The following COL6A5 variants were observed in gnomAD, a reference collection of about 807,000 sequenced individuals.
COL6A5 encodes the protein collagen type VI alpha 5 chain, also known as collagen alpha-5(VI) chain.
COL6A5 carries 48 observed loss-of-function variants against 65.6 expected under a neutral mutation model. The ratio of observed to expected loss-of-function variants is 0.73; its 90% CI spans 0.58 to 0.93. The LOEUF (loss-of-function observed/expected upper bound fraction) is 0.93, where lower values mean the gene tolerates loss of function less well. Ranked by LOEUF, COL6A5 falls within the 40% of genes least tolerant of loss-of-function variation. The pLI, the probability that COL6A5 is intolerant of heterozygous loss-of-function variation, is 0.00. For synonymous variants in COL6A5, 291 were observed against 322.8 expected, an observed-to-expected ratio of 0.90 and a Z score of 1.05; for missense variants, 914 against 928.3, an observed-to-expected ratio of 0.98 and a Z score of 0.20.
chr3:130,470,492 C>T (rs1460172401), intron 6 of COL6A5, among the ~76,000 whole-genome samples: 2 of 151,214 alleles, frequency 1.3e-5, no homozygotes, highest in Non-Finnish European at 3.0e-5. Context: ...ATTTCAATAG[C>T]TAATAGAGTC....
At chr3:130,378,467 T>C (rs182052629) in intron 3 of COL6A5, among the ~76,000 whole-genome samples, 1 of 152,268 alleles carries the variant, frequency 6.6e-6, no homozygotes, top group African/African-American at 2.4e-5. Flanking sequence ...CAAGAATCAT[T>C]ATCTCTTTCC....
chr3:130,415,521 T>C (rs1577486165), intron 22 of COL6A5, 124 bp from the exon 23 acceptor site: 1 of 794,132 alleles, frequency 1.3e-6, no homozygotes, highest in East Asian at 2.8e-5. Flanking sequence ...ATGCTTAATC[T>C]CAGGGTTAAA....
chr3:130,466,457 G>T (rs1466387954), intron 5 of COL6A5, among the ~76,000 whole-genome samples: 4 of 151,890 alleles, frequency 2.6e-5, no homozygotes, highest in East Asian at 1.9e-4. Flanking sequence ...AGAATTTCAG[G>T]TTCCACTTAA....
At chr3:130,405,597 G>A in exon 14 of COL6A5, 1 of 1,550,812 alleles carries the variant, frequency 6.4e-7, no homozygotes, top group Non-Finnish European at 8.7e-7. Flanking sequence ...GGGAGTACGA[G>A]GAGACACAGG....
intron 7 of COL6A5, among the ~76,000 whole-genome samples, chr3:130,472,221 C>T (rs2107617752): frequency 6.6e-6 from 1 of 152,170 alleles, no homozygotes; most frequent in South Asian, 2.1e-4. Flanking sequence ...CAGGAGCAGT[C>T]CTGCATCCTT....
At chr3:130,405,788 G>T in intron 14 of COL6A5, 129 bp downstream of exon 14, 1 of 930,712 alleles carries the variant, frequency 1.1e-6, no homozygotes, top group Non-Finnish European at 1.6e-6. Context: ...CAGTTATATA[G>T]ATGAGTTTTC....
intron 5 of COL6A5, among the ~76,000 whole-genome samples, chr3:130,385,885 T>G (rs1390606233): frequency 1.3e-5 from 2 of 152,014 alleles, no homozygotes; most frequent in African/African-American, 4.8e-5. Context: ...GCACCATAAA[T>G]GCCAACCATT....
chr3:130,353,407 A>G (rs1273178207), intron 1 of COL6A5, among the ~76,000 whole-genome samples: 1 of 152,256 alleles, frequency 6.6e-6, no homozygotes, highest in Non-Finnish European at 1.5e-5. Context: ...GTTTCAGTCA[A>G]CAAAACTCCA....
At chr3:130,438,482 T>C (rs2107700874) in intron 1 of COL6A5, among the ~76,000 whole-genome samples, 1 of 152,314 alleles carries the variant, frequency 6.6e-6, no homozygotes, top group Middle Eastern at 3.4e-3. Flanking sequence ...CAGGTCAACA[T>C]CTAGTCTTTA....
intron 1 of COL6A5, among the ~76,000 whole-genome samples, chr3:130,360,260 G>A (rs1374645217): frequency 2.0e-5 from 3 of 152,096 alleles, no homozygotes; most frequent in Non-Finnish European, 4.4e-5. Flanking sequence ...CCAGTGCTGA[G>A]AATATTGTTC....
At chr3:130,394,760 CTT>C (rs1347244940) in intron 7 of COL6A5, 128 bp from the exon 8 acceptor site, 3 of 660,890 alleles carry the variant, frequency 4.5e-6, no homozygotes, top group African/African-American at 3.7e-5. Flanking sequence ...GATTCTCTCT[CTT>C]GTTAACTTAT....
intron 1 of COL6A5, among the ~76,000 whole-genome samples, chr3:130,372,159 GA>G (rs896529456): frequency 1.3e-5 from 2 of 152,004 alleles, no homozygotes; most frequent in African/African-American, 2.4e-5. Flanking sequence ...TAACAAAATG[GA>G]AAATAAGTGT....
intron 1 of COL6A5, among the ~76,000 whole-genome samples, chr3:130,362,295 T>C (rs2107622077): frequency 4.5e-4 from 1 of 2,220 alleles, no homozygotes; most frequent in South Asian, 7.6e-3. Context: ...TCTCCATATA[T>C]ATATATATAT....
At chr3:130,354,915 T>G (rs535956415) in intron 1 of COL6A5, among the ~76,000 whole-genome samples, 2 of 152,206 alleles carry the variant, frequency 1.3e-5, no homozygotes, top group Non-Finnish European at 2.9e-5. Context: ...AGAAGTAAAA[T>G]ACACAGCAGA....
intron 1 of COL6A5, among the ~76,000 whole-genome samples, chr3:130,351,407 C>T (rs144765193): frequency 6.6e-6 from 1 of 152,260 alleles, no homozygotes; most frequent in Non-Finnish European, 1.5e-5. Flanking sequence ...TTTTTGCAAT[C>T]TACCCATCTG....
chr3:130,470,216 A>C (rs1483988724), intron 6 of COL6A5, among the ~76,000 whole-genome samples: 1 of 152,080 alleles, frequency 6.6e-6, no homozygotes, highest in Non-Finnish European at 1.5e-5. Flanking sequence ...TTATGACTTT[A>C]GACATGCATA....
In COL6A5 at chr3:130,381,191, C is replaced by T. The variant is rs542008554; in HGVS notation, c.1300+1141C>T. Among the ~76,000 whole-genome samples, 17 of 152,180 alleles carry T rather than the reference C, an allele frequency of 1.1e-4. No homozygotes were observed. The East Asian group carries it at 1.7e-3, about 16-fold the overall frequency. On this transcript the variant is annotated intron_variant and NMD_transcript_variant, in intron 4 of 41. Coordinates refer to the COL6A5 transcript ENST00000312481. ...GTGACCTTTATTTGGGGAAGCCAAG[C>T]GCCTAGGTTAAAACTGGTGGTTCAA...
At chr3:130,398,847 G>A (rs951985329) in intron 10 of COL6A5, among the ~76,000 whole-genome samples, 4 of 152,178 alleles carry the variant, frequency 2.6e-5, no homozygotes, top group Non-Finnish European at 5.9e-5. Flanking sequence ...TTACTGAGAT[G>A]TATCCCTGGT....
chr3:130,465,157 A>C (rs537642614), intron 5 of COL6A5, among the ~76,000 whole-genome samples: 1 of 152,102 alleles, frequency 6.6e-6, no homozygotes, highest in Non-Finnish European at 1.5e-5. Context: ...AGGACATGGT[A>C]CAAGAAGAGG....
Sources: allele counts gnomAD v4.1 joint callset (sites outside exome capture counted in the v4.1 genomes callset), GRCh38; gene constraint gnomAD v4.1.1; transcripts MANE v1.5; gene names NCBI Gene and HGNC (gene_info 2026-07-23, HGNC 2026-07-21).